The following DLEU7 variants were observed in gnomAD, a reference collection of about 807,000 sequenced individuals.
DLEU7 encodes deleted in lymphocytic leukemia 7, also known as leukemia-associated protein 7.
A neutral mutation model predicts 16.0 loss-of-function variants in DLEU7; 17 were observed. That is an observed-to-expected ratio of 1.06 (90% CI 0.73 to 1.59). DLEU7 has a LOEUF of 1.59. Among genes scored for constraint, DLEU7 ranks in the 40% most tolerant of loss-of-function variants. DLEU7 has a pLI of 0.00. For synonymous variants in DLEU7, 113 were observed against 139.8 expected (o/e 0.81, Z 1.35); for missense variants, 308 against 314.9 (o/e 0.98, Z 0.17).
chr13:50,737,382 T>G (rs1874104076), intron 1 of DLEU7, among the ~76,000 whole-genome samples: 3 of 152,190 alleles, frequency 2.0e-5, no homozygotes, highest in African/African-American at 7.2e-5. Flanking sequence ...TTCATCGTGT[T>G]TCACAGATAT....
intron 1 of DLEU7, among the ~76,000 whole-genome samples, chr13:50,761,655 T>C (rs1306596293): frequency 6.6e-6 from 1 of 152,140 alleles, no homozygotes; most frequent in Non-Finnish European, 1.5e-5. Context: ...ATGCTTCTAC[T>C]TGGAAGTACC....
At chr13:50,794,715 A>G (rs1876060536) in intron 1 of DLEU7, among the ~76,000 whole-genome samples, 1 of 152,162 alleles carries the variant, frequency 6.6e-6, no homozygotes, top group African/African-American at 2.4e-5. Context: ...CCCTTGATGT[A>G]GGCATTATTG....
rs1055290339 is a variant in DLEU7, at chr13:50,843,132, T to C, written c.459+56A>G. 155 of 1,506,622 alleles carry C rather than the reference T, an allele frequency of 1.0e-4. No individual in the cohort carries two copies. Among genetic ancestry groups the C allele is most frequent in the South Asian group, 5.9e-4 (48 of 81,182 alleles). The allele number at this position is 1,506,622 out of a possible 1,614,324, so 93.3% of individuals were successfully genotyped here. A position where few individuals can be genotyped will look rare whatever the true frequency, so the allele number is the denominator to read the frequency against. ...CATCGCCATCCCAGCAGCCCCACCCTTGGAGGATGGGAGGTTACCCTGCAC... is the reference window on the plus strand; with the variant it reads ...CATCGCCATCCCAGCAGCCCCACCCCTGGAGGATGGGAGGTTACCCTGCAC... On this transcript the variant is annotated intron_variant, in intron 1 of 1. Transcript: ENST00000504404. This position sits in a 1 kb window ranked among gnomAD's most constrained non-coding sequence, Gnocchi z 5.7.
intron 1 of DLEU7, among the ~76,000 whole-genome samples, chr13:50,802,754 G>A (rs550206081): frequency 6.6e-6 from 1 of 152,168 alleles, no homozygotes; most frequent in African/African-American, 2.4e-5. Flanking sequence ...CACAGGAGGC[G>A]ACCTGAATTA....
chr13:50,797,878 C>T (rs754449085), intron 1 of DLEU7, among the ~76,000 whole-genome samples: 2 of 152,138 alleles, frequency 1.3e-5, no homozygotes, highest in Admixed American at 6.5e-5. Context: ...ATTGTAAGAA[C>T]GTACTATTGT....
At chr13:50,837,346 A>T (rs9563004) in intron 1 of DLEU7, among the ~76,000 whole-genome samples, 70,124 of 151,996 alleles carry the variant, frequency 0.46, 16,494 homozygotes, top group Middle Eastern at 0.52. Context: ...AAGATGTCAA[A>T]CATAAGTAGT....
rs528653342 is a variant in DLEU7 at position 50,783,506 on chromosome 13, C to G, written c.459+59682G>C. Reference sequence around the variant, plus strand: ...TATAATTATTCTGTAGTTTCATTCACTTAGAATGACACCACTATGATTAGC... The same window carrying G: ...TATAATTATTCTGTAGTTTCATTCAGTTAGAATGACACCACTATGATTAGC... On this transcript the variant is annotated intron_variant, in intron 1 of 1. Transcript: ENST00000400393. Among the ~76,000 whole-genome samples, 15 of 152,296 alleles carry G rather than the reference C, an allele frequency of 9.8e-5. No individual in the cohort carries two copies. In the South Asian group the frequency reaches 2.3e-3, roughly 23 times the overall value.
chr13:50,765,738 C>A (rs1875083235), intron 1 of DLEU7, among the ~76,000 whole-genome samples: 1 of 151,522 alleles, frequency 6.6e-6, no homozygotes. Flanking sequence ...GTTTTGAACC[C>A]CTCACATGTG....
chr13:50,774,664 A>G (rs1363154760), intron 1 of DLEU7, among the ~76,000 whole-genome samples: 1 of 152,078 alleles, frequency 6.6e-6, no homozygotes, highest in East Asian at 1.9e-4. Flanking sequence ...TTTTTCATAT[A>G]ATATAGTTGC....
chr13:50,829,682 T>A (rs570060782), intron 1 of DLEU7, among the ~76,000 whole-genome samples: 2 of 152,348 alleles, frequency 1.3e-5, no homozygotes, highest in East Asian at 3.9e-4. Flanking sequence ...TCTAGTACAG[T>A]ATTTCCTTTT....
At chr13:50,777,219 T>C (rs1875528350) in intron 1 of DLEU7, among the ~76,000 whole-genome samples, 1 of 152,170 alleles carries the variant, frequency 6.6e-6, no homozygotes, top group African/African-American at 2.4e-5. Context: ...CTTGATCGGA[T>C]TGAAGGATGC....
rs572739504 is a variant in DLEU7 at position 50,753,613 on chromosome 13, C to T, written c.460-40373G>A. Among the ~76,000 whole-genome samples the T allele has an allele frequency of 3.7e-3, 562 of 152,276 alleles. 4 individuals are homozygous for T. Among genetic ancestry groups the T allele is most frequent in the Middle Eastern group, 0.014 (4 of 294 alleles). ...GCCAGCTGCTCTGAGTGGAGTCCCCCGAGCCCACGCCCACCCGGAACTCGC... is the reference window on the plus strand; with the variant it reads ...GCCAGCTGCTCTGAGTGGAGTCCCCTGAGCCCACGCCCACCCGGAACTCGC... On this transcript the variant is annotated intron_variant, in intron 1 of 1. Coordinates refer to the DLEU7 transcript ENST00000400393.
intron 1 of DLEU7, among the ~76,000 whole-genome samples, chr13:50,830,253 A>G (rs971339171): frequency 3.9e-5 from 6 of 152,236 alleles, no homozygotes; most frequent in Non-Finnish European, 8.8e-5. Flanking sequence ...AGATACTCTC[A>G]TGTAACTCAA....
At chr13:50,734,252 G>A (rs1170973255) in intron 1 of DLEU7, among the ~76,000 whole-genome samples, 1 of 152,042 alleles carries the variant, frequency 6.6e-6, no homozygotes, top group South Asian at 2.1e-4. Context: ...TAAAAGCAGT[G>A]AACTAAAGAA....
chr13:50,811,410 A>G (rs188849695), intron 1 of DLEU7, among the ~76,000 whole-genome samples: 310 of 152,196 alleles, frequency 2.0e-3, no homozygotes, highest in African/African-American at 6.9e-3. Flanking sequence ...CTTTACTGAG[A>G]GCTTTCTCCT....
intron 1 of DLEU7, among the ~76,000 whole-genome samples, chr13:50,782,013 A>G (rs1349236979): frequency 6.6e-6 from 1 of 152,182 alleles, no homozygotes; most frequent in Non-Finnish European, 1.5e-5. Context: ...TTATATGCAT[A>G]GTGGCTGCCC....
At chr13:50,791,653 G>A (rs1875962447) in intron 1 of DLEU7, among the ~76,000 whole-genome samples, 1 of 152,046 alleles carries the variant, frequency 6.6e-6, no homozygotes, top group Non-Finnish European at 1.5e-5. Flanking sequence ...TTACCCAAGT[G>A]AAGGACTCAA....
intron 1 of DLEU7, among the ~76,000 whole-genome samples, chr13:50,720,265 C>T (rs1384540604): frequency 6.6e-6 from 1 of 152,162 alleles, no homozygotes; most frequent in Non-Finnish European, 1.5e-5. Context: ...GGCATAGATA[C>T]AACCTCAAAT....
chr13:50,842,890 C>T (rs746845713), intron 1 of DLEU7, among the ~76,000 whole-genome samples: 3 of 152,066 alleles, frequency 2.0e-5, no homozygotes, highest in Non-Finnish European at 4.4e-5. Flanking sequence ...GCCTTTCTAG[C>T]GCAGGAAGCT....
Sources: gnomAD v4.1 joint callset for allele counts (sites outside exome capture counted in the v4.1 genomes callset) on GRCh38, gnomAD v4.1.1 for gene constraint, Gnocchi (gnomAD v3.1) non-coding constraint, MANE v1.5 for transcripts, NCBI Gene and HGNC (gene_info 2026-07-23, HGNC 2026-07-21) for gene names.